STXBP5: variants seen among roughly 807,000 people sequenced by gnomAD.
The protein encoded by STXBP5 is syntaxin-binding protein 5.
In STXBP5, 50 loss-of-function variants were observed where a neutral mutation model predicts 152.4. The ratio of observed to expected loss-of-function variants is 0.33; its 90% CI spans 0.26 to 0.42. The LOEUF (loss-of-function observed/expected upper bound fraction) is 0.42, where lower values mean the gene tolerates loss of function less well. Among genes scored for constraint, STXBP5 ranks in the 10% least tolerant of loss-of-function variants. STXBP5 has a pLI of 1.00. For missense variants in STXBP5, 1,167 were observed against 1,388.6 expected, an observed-to-expected ratio of 0.84 and a Z score of 2.54; for synonymous variants, 492 against 494.7, an observed-to-expected ratio of 0.99 and a Z score of 0.07.
At chr6:147,351,929 A>T (rs1177820764) in intron 21 of STXBP5, 2 of 973,452 alleles carry the variant, frequency 2.1e-6, no homozygotes, top group Non-Finnish European at 2.4e-6. Context: ...ACAGTCCAAA[A>T]TTTAACCTAA....
At chr6:147,342,969 T>G (rs1287692954) in intron 21 of STXBP5, among the ~76,000 whole-genome samples, 5 of 152,152 alleles carry the variant, frequency 3.3e-5, no homozygotes, top group African/African-American at 7.2e-5. Context: ...TCCAGTTTTA[T>G]TACTAATTTT....
In STXBP5 at chr6:147,296,472, A is replaced by G. The variant is rs531276006; in HGVS notation, c.917+5300A>G. 2.0e-5 allele frequency among the ~76,000 whole-genome samples: 3 copies of G among 152,238 alleles called. No individual in the cohort carries two copies. In the South Asian group the frequency reaches 6.2e-4, roughly 32 times the overall value. On this transcript the variant is annotated intron_variant, in intron 9 of 27. Coordinates refer to ENST00000321680, the MANE Select transcript of STXBP5 (RefSeq NM_001127715.4). ...CCTACCCAACTAGCATAACACCCAT[A>G]TACAGGAATAAATCTTCCCCTAAAA... is the stretch of plus-strand genomic sequence containing the variant.
intron 14 of STXBP5, among the ~76,000 whole-genome samples, chr6:147,315,103 A>G (rs1031818606): frequency 1.3e-5 from 2 of 152,144 alleles, no homozygotes; most frequent in Admixed American, 6.6e-5. Context: ...CAGTTAACTC[A>G]GGATATGTTG....
intron 9 of STXBP5, among the ~76,000 whole-genome samples, chr6:147,299,821 G>C (rs1781716041): frequency 6.6e-6 from 1 of 152,016 alleles, no homozygotes. Context: ...GTCTTAGCCA[G>C]AGCAATTAAG....
intron 8 of STXBP5, among the ~76,000 whole-genome samples, chr6:147,284,421 T>A (rs923229208): frequency 6.6e-6 from 1 of 152,194 alleles, no homozygotes; most frequent in African/African-American, 2.4e-5. Context: ...TACCAGAGAT[T>A]AAATACTGAA....
intron 14 of STXBP5, 63 bp downstream of exon 14, chr6:147,314,699 GT>G: frequency 8.1e-7 from 1 of 1,236,668 alleles, no homozygotes; most frequent in South Asian, 1.5e-5. Flanking sequence ...TATGCATCCT[GT>G]TTTATAATAA....
At position 147,363,383 on chromosome 6, in the gene STXBP5, A is replaced by G. The variant is rs1180914631; in HGVS notation, c.2594A>G (p.Asp865Gly). 6.2e-7 allele frequency: 1 copy of G among 1,611,498 alleles called. No homozygotes were observed. Among genetic ancestry groups the G allele is most frequent in the Non-Finnish European group, 8.5e-7 (1 of 1,179,298 alleles). ...KGAILRMAFL[D>G]TTGCLIPPAY... The stretch of plus-strand genomic sequence containing the variant: ...GCAATCTTGAGAATGGCATTTCTGG[A>G]TACCACAGGCTGCTTAATACCACCT... Residue 865 changes from aspartate (D) to glycine (G), a missense_variant, in exon 24 of 28, where the codon GAT becomes GGT. Transcript: ENST00000321680.
chr6:147,299,574 C>T (rs1020410771), intron 9 of STXBP5, among the ~76,000 whole-genome samples: 2 of 151,982 alleles, frequency 1.3e-5, no homozygotes, highest in Non-Finnish European at 2.9e-5. Flanking sequence ...AGAATCCTCC[C>T]TAACTCATTC....
At chr6:147,353,918 C>G (rs1410115828) in intron 22 of STXBP5, among the ~76,000 whole-genome samples, 1 of 152,050 alleles carries the variant, frequency 6.6e-6, no homozygotes, top group Non-Finnish European at 1.5e-5. Context: ...ATTCATTTTG[C>G]TTTATATCTA....
At chr6:147,364,744 TC>T (rs1241586538) in intron 25 of STXBP5, among the ~76,000 whole-genome samples, 1 of 152,210 alleles carries the variant, frequency 6.6e-6, no homozygotes, top group Non-Finnish European at 1.5e-5. Flanking sequence ...AGCTTTACCT[TC>T]CAAAGTAAAA....
chr6:147,296,082 C>G (rs1238225672), intron 9 of STXBP5, among the ~76,000 whole-genome samples: 1 of 152,154 alleles, frequency 6.6e-6, no homozygotes, highest in Non-Finnish European at 1.5e-5. Flanking sequence ...ACAGATGGTC[C>G]TGTACAATGA....
intron 7 of STXBP5, among the ~76,000 whole-genome samples, chr6:147,271,211 G>T (rs187828600): frequency 5.3e-5 from 8 of 152,118 alleles, no homozygotes; most frequent in South Asian, 2.1e-4. Context: ...CATACTGTCT[G>T]TAAGAAACCC....
intron 21 of STXBP5, among the ~76,000 whole-genome samples, chr6:147,343,013 G>T (rs1449065630): frequency 6.6e-6 from 1 of 151,996 alleles, no homozygotes; most frequent in Non-Finnish European, 1.5e-5. Flanking sequence ...ATTCCTTCTG[G>T]TTACATGAAG....
chr6:147,256,547 G>C (rs1486249207), intron 4 of STXBP5, among the ~76,000 whole-genome samples: 1 of 152,072 alleles, frequency 6.6e-6, no homozygotes, highest in African/African-American at 2.4e-5. Flanking sequence ...ACTAAATATG[G>C]TTTAAGAAGC....
At chr6:147,212,587 G>A (rs1339755163) in intron 2 of STXBP5, among the ~76,000 whole-genome samples, 4 of 152,244 alleles carry the variant, frequency 2.6e-5, no homozygotes, top group South Asian at 4.1e-4. Flanking sequence ...TTCTGTGGGG[G>A]GATTTAGGAA....
chr6:147,208,993 T>C (rs1776713961), intron 2 of STXBP5, among the ~76,000 whole-genome samples: 1 of 152,086 alleles, frequency 6.6e-6, no homozygotes, highest in South Asian at 2.1e-4. Context: ...CTGGAGAGAA[T>C]ATGAGATTGA....
chr6:147,381,395 A>C (rs1393717907), intron 26 of STXBP5, among the ~76,000 whole-genome samples: 2 of 152,164 alleles, frequency 1.3e-5, no homozygotes, highest in African/African-American at 2.4e-5. Flanking sequence ...AATGTTGGCA[A>C]GGATGTGGAG....
At chr6:147,227,226 T>A (rs1319648193) in intron 2 of STXBP5, among the ~76,000 whole-genome samples, 1 of 152,162 alleles carries the variant, frequency 6.6e-6, no homozygotes. Context: ...TAATTCTATG[T>A]CTGATTCTGT....
At chr6:147,228,056 T>C (rs1159990173) in intron 2 of STXBP5, among the ~76,000 whole-genome samples, 5 of 152,138 alleles carry the variant, frequency 3.3e-5, no homozygotes, top group African/African-American at 1.2e-4. Flanking sequence ...GTGTTGTTTA[T>C]GTCAACTGTA....
Sources: allele counts gnomAD v4.1 joint callset (sites outside exome capture counted in the v4.1 genomes callset), GRCh38; gene constraint gnomAD v4.1.1; transcripts MANE v1.5; gene names NCBI Gene and HGNC (gene_info 2026-07-23, HGNC 2026-07-21).